RPAP1: variants seen among roughly 807,000 people sequenced by gnomAD.
RPAP1 encodes the protein RNA polymerase II-associated protein 1.
Under a neutral mutation model 142.4 loss-of-function variants are expected in RPAP1, and 109 were observed. The ratio of observed to expected loss-of-function variants is 0.77; its 90% CI spans 0.66 to 0.90. RPAP1 has a LOEUF of 0.90. RPAP1 is among the 40% of genes least tolerant of loss of function. RPAP1 has a pLI of 0.00. For missense variants in RPAP1, 1,546 were observed against 1,751.7 expected, an observed-to-expected ratio of 0.88 and a Z score of 2.10; for synonymous variants, 704 against 738.9, an observed-to-expected ratio of 0.95 and a Z score of 0.77.
chr15:41,519,013 C>G (rs1027000695), intron 22 of RPAP1, among the ~76,000 whole-genome samples: 1 of 152,106 alleles, frequency 6.6e-6, no homozygotes, highest in Admixed American at 6.6e-5. Flanking sequence ...GCCTCAGGCT[C>G]CTGAGTAACT....
chr15:41,541,560 A>C (rs1326002186), intron 1 of RPAP1, among the ~76,000 whole-genome samples: 1 of 151,974 alleles, frequency 6.6e-6, no homozygotes, highest in Non-Finnish European at 1.5e-5. Context: ...AATAGTGCTG[A>C]ATGAAGGCCG....
In RPAP1 at chr15:41,518,201, C is replaced by T. The variant is rs116632961; in HGVS notation, c.3796-19G>A. 16,929 of 1,548,854 alleles carry T rather than the reference C, an allele frequency of 0.011. 292 individuals carry two copies. The highest frequency in any genetic ancestry group is 0.06 in the South Asian group (4,779 of 80,180). Reference sequence around the variant, plus strand: ...CAGGCAACTGTGACAGGGGAAATGACGTGCTGAGGGGGAGGGTAGGAATGT... The same window carrying T: ...CAGGCAACTGTGACAGGGGAAATGATGTGCTGAGGGGGAGGGTAGGAATGT... On this transcript the variant is annotated intron_variant, in intron 22 of 24. Coordinates refer to ENST00000304330, the MANE Select transcript of RPAP1 (RefSeq NM_015540.4).
At chr15:41,539,355 C>T (rs932487436) in intron 1 of RPAP1, among the ~76,000 whole-genome samples, 8 of 151,922 alleles carry the variant, frequency 5.3e-5, no homozygotes, top group South Asian at 4.2e-4. Flanking sequence ...CGTGCAATGG[C>T]GCGATCTCGG....
chr15:41,529,432 A>T, intron 9 of RPAP1, 38 bp downstream of exon 9: 2 of 1,398,664 alleles, frequency 1.4e-6, no homozygotes, highest in South Asian at 1.2e-5. Flanking sequence ...TGGGGTTGTT[A>T]AAAGAGCTGC....
chr15:41,535,667 C>G (rs1566889531), intron 4 of RPAP1, 35 bp from the exon 5 acceptor site: 2 of 1,601,888 alleles, frequency 1.2e-6, no homozygotes, highest in Non-Finnish European at 1.7e-6. Flanking sequence ...GTTACTGATG[C>G]TCATCATCCC....
rs767925586 is a variant in RPAP1 at position 41,520,851 on chromosome 15, C to G, written c.3335G>C (p.Arg1112Pro). 2 of 1,613,700 alleles carry G rather than the reference C, an allele frequency of 1.2e-6. No homozygotes were observed. The highest frequency in any genetic ancestry group is 1.7e-6 in the Non-Finnish European group (2 of 1,180,028). Residue 1112 changes from arginine to proline, a missense_variant, in exon 22 of 25, where the codon CGG (arginine) becomes CCG (proline). Around this residue, in one of 3 missense-constraint regions of RPAP1, gnomAD observed 1,333 missense variants for 1,486.6 expected, o/e 0.90. Transcript: ENST00000304330. Reference sequence around the variant, plus strand: ...GAGTCCCGAGGGGGTGTCTGAAGCCCGGTGGTAGAGGCGAATCAGTGGCAG... The same window carrying G: ...GAGTCCCGAGGGGGTGTCTGAAGCCGGGTGGTAGAGGCGAATCAGTGGCAG... ...PFLPLIRLYH[R>P]ASDTPSGLSP...
At position 41,520,478 on chromosome 15, in the gene RPAP1, C is replaced by T; in HGVS notation, c.3708G>A (p.Leu1236=). ...HLFGALVLLP[L]QRRFSVTLRL... The stretch of plus-strand genomic sequence containing the variant: ...GCAAGGTGACACTGAACCGACGCTG[C>T]AGGGGCAGGAGGACCAGGGCCCCAA... Residue 1236 remains leucine (L), a synonymous_variant, in exon 22 of 25, where the codon CTG becomes CTA. Transcript: ENST00000304330. 6.2e-7 allele frequency: 1 copy of T among 1,614,130 alleles called. No homozygotes were observed. Among genetic ancestry groups the T allele is most frequent in the East Asian group, 2.2e-5 (1 of 44,872 alleles).
At chr15:41,543,201 C>CTTTTTTTTTTT (rs71104794) in intron 1 of RPAP1, among the ~76,000 whole-genome samples, 1 of 78,936 alleles carries the variant, frequency 1.3e-5, no homozygotes, top group Non-Finnish European at 2.3e-5. Flanking sequence ...CAATGCTGTC[C>CTTTTTTTTTTT]TTTTTTTTTT....
In RPAP1 at chr15:41,517,478, CA is replaced by C; in HGVS notation, c.*63del. ...TAGGACACAATGTTCTTCGTCTGGCCAGACATCTGTTGAAAGGCTGGATACA... is the reference window on the plus strand; with the variant it reads ...TAGGACACAATGTTCTTCGTCTGGCCGACATCTGTTGAAAGGCTGGATACA... On this transcript the variant is annotated 3_prime_UTR_variant, in exon 25 of 25. Coordinates refer to ENST00000304330, the MANE Select transcript of RPAP1 (RefSeq NM_015540.4). 7.1e-7 allele frequency: 1 copy of C among 1,413,890 alleles called. No individual in the cohort carries two copies. The highest frequency in any genetic ancestry group is 9.6e-7 in the Non-Finnish European group (1 of 1,046,090). 87.6% of individuals were successfully genotyped at this position (1,413,890 alleles called of 1,614,324 possible). A position where few individuals can be genotyped will look rare whatever the true frequency, so the allele number is the denominator to read the frequency against.
chr15:41,522,091 G>T lies in RPAP1; in HGVS notation c.2895+7C>A, dbSNP rs747271925. The stretch of plus-strand genomic sequence containing the variant: ...GACAGGAGAACCTGTCAGACAGGGG[G>T]ACCTACCGCTTTCTGGGCCAGAGCG... On this transcript the variant is annotated splice_region_variant and intron_variant, in intron 20 of 24. Transcript: ENST00000304330. 6 of 1,612,702 alleles carry T rather than the reference G, an allele frequency of 3.7e-6. No individual in the cohort carries two copies. Among genetic ancestry groups the T allele is most frequent in the East Asian group, 2.2e-5 (1 of 44,870 alleles).
At chr15:41,534,583 CAAAA>C (rs764568682) in intron 6 of RPAP1, 127 bp downstream of exon 6, 2,967 of 176,806 alleles carry the variant, frequency 0.017, no homozygotes, top group South Asian at 0.02. Context: ...AAGACCATCT[CAAAA>C]AAAAAAAAAA....
chr15:41,525,638 CTAT>C (rs2051783832), intron 14 of RPAP1, among the ~76,000 whole-genome samples: 1 of 146,740 alleles, frequency 6.8e-6, no homozygotes, highest in Non-Finnish European at 1.5e-5. Context: ...CACCCAGCCC[CTAT>C]TATTTTTTTA....
At chr15:41,532,478 C>A (rs4420509) in intron 6 of RPAP1, among the ~76,000 whole-genome samples, 1 of 151,856 alleles carries the variant, frequency 6.6e-6, no homozygotes, top group Non-Finnish European at 1.5e-5. Context: ...ACGTATTATA[C>A]TCTATAGAGG....
chr15:41,536,455 T>C, intron 3 of RPAP1, 46 bp downstream of exon 3: 1 of 1,606,312 alleles, frequency 6.2e-7, no homozygotes, highest in Non-Finnish European at 8.5e-7. Flanking sequence ...CCAATATCCC[T>C]GTTGCCCTAG....
chr15:41,523,940 G>A lies in RPAP1; in HGVS notation c.2267C>T (p.Pro756Leu). The change falls in exon 17 of 25, where the codon CCT (proline) becomes CTT (leucine). Residue 756 changes from proline to leucine, a missense_variant. Pro to Leu is a moderately conservative substitution (Grantham distance 98, BLOSUM62 -3). Coordinates refer to ENST00000304330, the MANE Select transcript of RPAP1 (RefSeq NM_015540.4). The part of the protein sequence containing the change: ...DSAEASLSAT[P>L]SLVTWTQVSG... ...CACCTGTGTCCAAGTGACTAAGGAAGGGGTGGCCGAGAGGCTGGCCTCAGC... is the reference window on the plus strand; with the variant it reads ...CACCTGTGTCCAAGTGACTAAGGAAAGGGTGGCCGAGAGGCTGGCCTCAGC... The A allele has an allele frequency of 7.4e-6, 12 of 1,611,200 alleles. No individual in the cohort carries two copies. The highest frequency in any genetic ancestry group is 1.0e-5 in the Non-Finnish European group (12 of 1,178,670).
rs73407154 is a variant in RPAP1, at chr15:41,521,156, G to A, written c.3039-9C>T. The A allele has an allele frequency of 4.1e-4, 624 of 1,509,702 alleles. 3 individuals carry two copies. In the African/African-American group the frequency reaches 6.8e-3, roughly 16 times the overall value. The allele number at this position is 1,509,702 out of a possible 1,614,324, so 93.5% of individuals were successfully genotyped here. On this transcript the variant is annotated splice_polypyrimidine_tract_variant and intron_variant, in intron 21 of 24. Transcript: ENST00000304330. ...CCCCTGATGTTCTTTCCCTGTAATG[G>A]GACCCAAAAGCCAAAAATGAGGGCT...
rs149235711 is a variant in RPAP1 at position 41,539,965 on chromosome 15, G to A, written c.-76-2764C>T. Among the ~76,000 whole-genome samples, 1,277 of 152,028 alleles carry A rather than the reference G, an allele frequency of 8.4e-3. 22 individuals carry two copies. The highest frequency in any genetic ancestry group is 0.029 in the African/African-American group (1,197 of 41,466). Reference sequence around the variant, plus strand: ...GAAGAATCACTTGAACCTGGGAGGCGGAGGCTGCAGTGAGCCAAGATCGTA... The same window carrying A: ...GAAGAATCACTTGAACCTGGGAGGCAGAGGCTGCAGTGAGCCAAGATCGTA... On this transcript the variant is annotated intron_variant, in intron 1 of 24. Transcript: ENST00000304330.
At chr15:41,524,598 G>A (rs1438546449) in intron 15 of RPAP1, among the ~76,000 whole-genome samples, 1 of 150,874 alleles carries the variant, frequency 6.6e-6, no homozygotes, top group Non-Finnish European at 1.5e-5. Context: ...GCCTCAGCCT[G>A]CCGAGTAGTT....
In RPAP1 at chr15:41,522,250, G is replaced by A. The variant is rs748446092; in HGVS notation, c.2743C>T (p.Leu915=). Residue 915 remains leucine (L), a splice_region_variant and synonymous_variant, in exon 20 of 25, where the codon CTG becomes TTG. Coordinates refer to ENST00000304330, the MANE Select transcript of RPAP1 (RefSeq NM_015540.4). ...AQIHKGLCGQ[L]AAILAAPGLQ... The stretch of plus-strand genomic sequence containing the variant: ...CCCGGGGCAGCCAATATGGCAGCCA[G>A]CTGAGGAAAAGCAATTTTGTTCAGA... 2 of 1,613,556 alleles carry A rather than the reference G, an allele frequency of 1.2e-6. No individual in the cohort carries two copies. Among genetic ancestry groups the A allele is most frequent in the East Asian group, 4.5e-5 (2 of 44,878 alleles).
Sources: allele counts gnomAD v4.1 joint callset (sites outside exome capture counted in the v4.1 genomes callset), GRCh38; gene constraint gnomAD v4.1.1; regional missense constraint gnomAD v4.1.1; transcripts MANE v1.5; gene names NCBI Gene and HGNC (gene_info 2026-07-23, HGNC 2026-07-21).